The following RBCK1 variants were observed in gnomAD, a reference collection of about 807,000 sequenced individuals.
RBCK1 encodes the protein RANBP2-type and C3HC4-type zinc finger containing 1.
In RBCK1, 44 loss-of-function variants were observed where a neutral mutation model predicts 71.1. The observed-to-expected ratio is 0.62, with a 90% CI of 0.49 to 0.80. The LOEUF (loss-of-function observed/expected upper bound fraction) is 0.80. RBCK1 is among the 30% of genes least tolerant of loss of function. RBCK1 has a pLI of 0.00. For missense variants in RBCK1, 569 were observed against 685.0 expected (o/e 0.83, Z 1.89); for synonymous variants, 306 against 279.7 (o/e 1.09, Z -0.94).
At chr20:427,786 A>C (rs558799401) in intron 9 of RBCK1, among the ~76,000 whole-genome samples, 2 of 152,206 alleles carry the variant, frequency 1.3e-5, no homozygotes, top group South Asian at 4.1e-4. Context: ...CCAGTCCCAC[A>C]TTGAGCCCTG....
chr20:421,928 C>G lies in RBCK1; in HGVS notation c.918-199C>G, dbSNP rs114551330. The G allele has an allele frequency of 2.3e-3, 1,265 of 550,998 alleles. 12 individuals carry two copies. Among genetic ancestry groups the G allele is most frequent in the African/African-American group, 0.019 (993 of 52,558 alleles). 34.1% of individuals were successfully genotyped at this position (550,998 alleles called of 1,614,324 possible). A position where few individuals can be genotyped will look rare whatever the true frequency, so the allele number is the denominator to read the frequency against. On this transcript the variant is annotated intron_variant, in intron 7 of 11. Coordinates refer to ENST00000356286, the MANE Select transcript of RBCK1 (RefSeq NM_031229.4). ...GGATGTGGGGCCTGGACCAGAGAATCAGAGCGGCAGTATGGAGGCAGGGTG... is the reference window on the plus strand; with the variant it reads ...GGATGTGGGGCCTGGACCAGAGAATGAGAGCGGCAGTATGGAGGCAGGGTG...
chr20:418,481 G>C (rs1332923165), intron 4 of RBCK1, among the ~76,000 whole-genome samples: 1 of 152,040 alleles, frequency 6.6e-6, no homozygotes, highest in African/African-American at 2.4e-5. Flanking sequence ...CCATTCTCCT[G>C]CCTCAGCCTC....
chr20:431,129 T>C lies in RBCK1; in HGVS notation c.*699T>C, dbSNP rs2295494. 0.23 allele frequency among the ~76,000 whole-genome samples: 35,238 copies of C among 152,072 alleles called. 5,260 individuals carry two copies. Among genetic ancestry groups the C allele is most frequent in the African/African-American group, 0.43 (17,709 of 41,450 alleles). On this transcript the variant is annotated 3_prime_UTR_variant, in exon 12 of 12. Coordinates refer to ENST00000356286, the MANE Select transcript of RBCK1 (RefSeq NM_031229.4). This position sits in a 1 kb window ranked among gnomAD's most constrained non-coding sequence, Gnocchi z 4.8. ...TGAGCACTGGGACCTTTCTACCAGA[T>C]GTGGACCCCATGCCCAGCCTCAGGG...
rs1472775469 is a variant in RBCK1, at chr20:420,861, G to A, written c.757-10G>A. 7 of 1,467,074 alleles carry A rather than the reference G, an allele frequency of 4.8e-6. No homozygotes were observed. The highest frequency in any genetic ancestry group is 2.1e-5 in the Admixed American group (1 of 47,662). 90.9% of individuals were successfully genotyped at this position (1,467,074 alleles called of 1,614,324 possible). A position where few individuals can be genotyped will look rare whatever the true frequency, so the allele number is the denominator to read the frequency against. On this transcript the variant is annotated splice_polypyrimidine_tract_variant and intron_variant, in intron 6 of 11. Coordinates refer to ENST00000356286, the MANE Select transcript of RBCK1 (RefSeq NM_031229.4). ...CTGACCCGCCCCGTGGCCCCGCCCC[G>A]TGTGCCCAGCGGAAGCAGCAGCAGC...
At chr20:426,338 C>T (rs1469286580) in intron 8 of RBCK1, among the ~76,000 whole-genome samples, 1 of 152,206 alleles carries the variant, frequency 6.6e-6, no homozygotes, top group Non-Finnish European at 1.5e-5. Flanking sequence ...ATCCCCACTC[C>T]CCTGCCACGC....
chr20:427,199 C>G, intron 8 of RBCK1, 114 bp from the exon 9 acceptor site: 1 of 975,074 alleles, frequency 1.0e-6, no homozygotes, highest in Non-Finnish European at 1.5e-6. Context: ...AGAAAAGAGC[C>G]TGGGGCTGGG....
Position 417,945 on chromosome 20 carries a change from T to A in RBCK1, c.460+15T>A, listed in dbSNP as rs769517890. On this transcript the variant is annotated intron_variant, in intron 4 of 11. Transcript: ENST00000356286. This position sits in a 1 kb window ranked among gnomAD's most constrained non-coding sequence, Gnocchi z 4.7. The stretch of plus-strand genomic sequence containing the variant: ...GATGCTGGAAGGTGAGGCTCTGCCC[T>A]GAGCACCGCCGGACCCAGCGGGGGC... 1.9e-6 allele frequency: 3 copies of A among 1,599,386 alleles called. No individual in the cohort carries two copies. The highest frequency in any genetic ancestry group is 2.5e-6 in the Non-Finnish European group (3 of 1,178,256).
At position 430,441 on chromosome 20, in the gene RBCK1, G is replaced by C. The variant is rs375909448; in HGVS notation, c.*11G>C. 30 of 1,601,184 alleles carry C rather than the reference G, an allele frequency of 1.9e-5. No individual in the cohort carries two copies. The highest frequency in any genetic ancestry group is 2.2e-5 in the Non-Finnish European group (26 of 1,168,364). ...CAGAACTGCCACTGAGCTAAAGATGGTGGGGCCACATGCTGACCCAGCCCC... is the reference window on the plus strand; with the variant it reads ...CAGAACTGCCACTGAGCTAAAGATGCTGGGGCCACATGCTGACCCAGCCCC... On this transcript the variant is annotated 3_prime_UTR_variant, in exon 12 of 12. Transcript: ENST00000356286. This position sits in a 1 kb window ranked among gnomAD's most constrained non-coding sequence, Gnocchi z 5.6.
rs1429555224 is a variant in RBCK1 at position 422,117 on chromosome 20, C to T, written c.918-10C>T. 6 of 1,606,962 alleles carry T rather than the reference C, an allele frequency of 3.7e-6. No homozygotes were observed. The highest frequency in any genetic ancestry group is 5.1e-6 in the Non-Finnish European group (6 of 1,176,530). ...TATGATCCTAACTCTTTTCCCCTCCCCTCCCCTAGGGAGTGCCTGCAGGGC... is the reference window on the plus strand; with the variant it reads ...TATGATCCTAACTCTTTTCCCCTCCTCTCCCCTAGGGAGTGCCTGCAGGGC... On this transcript the variant is annotated splice_polypyrimidine_tract_variant and intron_variant, in intron 7 of 11. Coordinates refer to ENST00000356286, the MANE Select transcript of RBCK1 (RefSeq NM_031229.4). The surrounding 1 kb of genome is among the most constrained non-coding windows in gnomAD (Gnocchi z 5.0).
At chr20:419,020 C>T (rs956515465) in intron 4 of RBCK1, among the ~76,000 whole-genome samples, 1 of 152,220 alleles carries the variant, frequency 6.6e-6, no homozygotes, top group African/African-American at 2.4e-5. Flanking sequence ...ATGTTTCCTC[C>T]GGAGTGGATC....
At chr20:424,352 G>C (rs1455383090) in intron 8 of RBCK1, among the ~76,000 whole-genome samples, 1 of 152,150 alleles carries the variant, frequency 6.6e-6, no homozygotes, top group Non-Finnish European at 1.5e-5. Flanking sequence ...GGGCACTGTG[G>C]GTTCCCAGGC....
chr20:430,338 C>T lies in RBCK1; in HGVS notation c.1453-12C>T. The T allele has an allele frequency of 6.3e-7, 1 of 1,596,948 alleles. No individual in the cohort carries two copies. Among genetic ancestry groups the T allele is most frequent in the Non-Finnish European group, 8.6e-7 (1 of 1,164,590 alleles). ...TGCGCTGACATTCTCTTCTCTTCCT[C>T]CCATCCTCTAGGGCCCAGGAGACAC... On this transcript the variant is annotated splice_polypyrimidine_tract_variant and intron_variant, in intron 11 of 11. Coordinates refer to ENST00000356286, the MANE Select transcript of RBCK1 (RefSeq NM_031229.4). This position sits in a 1 kb window ranked among gnomAD's most constrained non-coding sequence, Gnocchi z 5.6.
At chr20:421,962 G>A (rs568005329) in intron 7 of RBCK1, 165 bp from the exon 8 acceptor site, 38 of 590,900 alleles carry the variant, frequency 6.4e-5, no homozygotes, top group African/African-American at 5.6e-4. Context: ...TGGAGGCCTT[G>A]GTGATGGGTT....
chr20:421,302 C>T (rs1297019748), intron 7 of RBCK1, among the ~76,000 whole-genome samples: 1 of 152,202 alleles, frequency 6.6e-6, no homozygotes, highest in Non-Finnish European at 1.5e-5. Context: ...CCTTTCGCCG[C>T]CCGGGCTCCT....
rs766154575 is a variant in RBCK1, at chr20:417,656, G to T, written c.261+37G>T. The T allele has an allele frequency of 8.1e-6, 13 of 1,606,578 alleles. No individual in the cohort carries two copies. The highest frequency in any genetic ancestry group is 1.6e-4 in the Middle Eastern group (1 of 6,062). ...GGCGGAGGGCGACACTGGGGTGAAG[G>T]CTCTCCCTTTCACTCCTGCTTCCTC... On this transcript the variant is annotated intron_variant, in intron 3 of 11. Transcript: ENST00000356286. This position sits in a 1 kb window ranked among gnomAD's most constrained non-coding sequence, Gnocchi z 4.7.
At position 408,667 on chromosome 20, in the gene RBCK1, C is replaced by A; in HGVS notation, c.-91C>A. ...GAGGCCACACGGCCTGGCTGAGTTG[C>A]TCCTGGTCTCCCGCCTCTCCCAGGC... On this transcript the variant is annotated 5_prime_UTR_variant, in exon 1 of 12. Transcript: ENST00000356286. 1 of 1,546,104 alleles carries A rather than the reference C, an allele frequency of 6.5e-7. No individual in the cohort carries two copies. The highest frequency in any genetic ancestry group is 8.8e-7 in the Non-Finnish European group (1 of 1,137,304).
At position 419,433 on chromosome 20, in the gene RBCK1, C is replaced by T. The variant is rs747821371; in HGVS notation, c.547C>T (p.Arg183Trp). 6.2e-6 allele frequency: 10 copies of T among 1,608,656 alleles called. 1 individual carries two copies. The highest frequency in any genetic ancestry group is 5.5e-5 in the South Asian group (5 of 90,496). Residue 183 changes from arginine (R) to tryptophan (W), a missense_variant, in exon 5 of 12, where the codon CGG becomes TGG. Transcript: ENST00000356286. ...PKPGVPQEPG[R>W]GQPDAVPEPP... is the part of the protein sequence containing the mutation. ...GCCCGGGGTCCCCCAGGAACCCGGA[C>T]GGGGGCAGCCAGATGCAGTGCCTGA...
chr20:428,718 C>A lies in RBCK1; in HGVS notation c.1308+129C>A, dbSNP rs978705180. The A allele has an allele frequency of 3.7e-6, 5 of 1,364,068 alleles. No homozygotes were observed. The Admixed American group carries it at 1.4e-4, about 39-fold the overall frequency. The allele number at this position is 1,364,068 out of a possible 1,614,324, so 84.5% of individuals were successfully genotyped here. A position where few individuals can be genotyped will look rare whatever the true frequency, so the allele number is the denominator to read the frequency against. On this transcript the variant is annotated intron_variant, in intron 10 of 11. Coordinates refer to ENST00000356286, the MANE Select transcript of RBCK1 (RefSeq NM_031229.4). This position sits in a 1 kb window ranked among gnomAD's most constrained non-coding sequence, Gnocchi z 5.7. ...TCTGACCTCCCTTCTGGCTGTCACTCCCATCCGGAGGTGGGACTTAGGCCG... is the reference window on the plus strand; with the variant it reads ...TCTGACCTCCCTTCTGGCTGTCACTACCATCCGGAGGTGGGACTTAGGCCG...
Position 430,938 on chromosome 20 carries a change from C to CTAT in RBCK1, c.*512_*514dup, listed in dbSNP as rs1250939016. The CTAT allele has an allele frequency of 5.1e-5, 8 of 156,892 alleles. No homozygotes were observed. The highest frequency in any genetic ancestry group is 1.4e-4 in the African/African-American group (6 of 41,524). 9.7% of individuals were successfully genotyped at this position (156,892 alleles called of 1,614,324 possible). ...TCTCCCTCTCTGCAGCCTGTGTAAGCTATTATAATTAAAATGGTTTTCCGG... is the reference window on the plus strand; with the variant it reads ...TCTCCCTCTCTGCAGCCTGTGTAAGCTATTATTATAATTAAAATGGTTTTCCGG... On this transcript the variant is annotated 3_prime_UTR_variant, in exon 12 of 12. Coordinates refer to ENST00000356286, the MANE Select transcript of RBCK1 (RefSeq NM_031229.4). The surrounding 1 kb of genome is among the most constrained non-coding windows in gnomAD (Gnocchi z 5.6).
Sources: allele counts gnomAD v4.1 joint callset (sites outside exome capture counted in the v4.1 genomes callset), GRCh38; gene constraint gnomAD v4.1.1; non-coding constraint Gnocchi (gnomAD v3.1); transcripts MANE v1.5; gene names NCBI Gene and HGNC (gene_info 2026-07-23, HGNC 2026-07-21).